FHIT: variants seen among roughly 807,000 people sequenced by gnomAD.
FHIT encodes bis(5'-adenosyl)-triphosphatase.
FHIT carries 19 observed loss-of-function variants against 17.9 expected under a neutral mutation model. The observed-to-expected ratio is 1.06, with a 90% confidence interval of 0.74 to 1.56. The LOEUF (loss-of-function observed/expected upper bound fraction) is 1.56. Ranked by LOEUF, FHIT falls within the 40% of genes most tolerant of loss-of-function variation. The pLI is 0.00. For missense variants in FHIT, 248 were observed against 189.2 expected (o/e 1.31, Z -1.82); for synonymous variants, 81 against 69.7 (o/e 1.16, Z -0.81).
chr3:59,917,908 A>G (rs1483621355), intron 8 of FHIT, among the ~76,000 whole-genome samples: 1 of 152,234 alleles, frequency 6.6e-6, no homozygotes, highest in Non-Finnish European at 1.5e-5. Flanking sequence ...GGAGGGGGCA[A>G]GTTAGTTATC....
intron 5 of FHIT, among the ~76,000 whole-genome samples, chr3:60,263,912 T>C (rs1210214066): frequency 6.6e-6 from 1 of 151,766 alleles, no homozygotes; most frequent in Non-Finnish European, 1.5e-5. Context: ...CTGGAGAAAG[T>C]GAGTGTTTTT....
chr3:60,569,756 T>TATATATACATATA (rs1491532042), intron 4 of FHIT, among the ~76,000 whole-genome samples: 2 of 28,674 alleles, frequency 7.0e-5, no homozygotes, highest in Admixed American at 4.2e-4. Context: ...TATATATATA[T>TATATATACATATA]TTTTTTTTTT....
chr3:60,911,114 G>A (rs1159499580), intron 3 of FHIT, among the ~76,000 whole-genome samples: 1 of 152,152 alleles, frequency 6.6e-6, no homozygotes, highest in African/African-American at 2.4e-5. Context: ...ATTTCAGTAT[G>A]TGGTTTAAAA....
intron 8 of FHIT, among the ~76,000 whole-genome samples, chr3:59,841,363 C>A (rs1218306979): frequency 2.6e-5 from 4 of 152,184 alleles, no homozygotes; most frequent in Non-Finnish European, 5.9e-5. Flanking sequence ...ACTGTTCAGC[C>A]ATTAGCTACT....
chr3:60,126,931 G>C (rs73097527), intron 5 of FHIT, among the ~76,000 whole-genome samples: 8 of 152,024 alleles, frequency 5.3e-5, no homozygotes, highest in Admixed American at 3.9e-4. Flanking sequence ...GCGCGCTTCC[G>C]TAACTAGTGG....
chr3:60,841,392 G>C lies in FHIT; in HGVS notation c.-110-19381C>G, dbSNP rs1003381677. Among the ~76,000 whole-genome samples, 4 of 152,046 alleles carry C rather than the reference G, an allele frequency of 2.6e-5. No homozygotes were observed. The East Asian group carries it at 7.7e-4, about 29-fold the overall frequency. ...TAGACAAGGGAGAATAATAGTCTTG[G>C]GATTCTAAAATCATCTGTAGACTAT... On this transcript the variant is annotated intron_variant, in intron 3 of 9. Coordinates refer to ENST00000492590, the MANE Select transcript of FHIT (RefSeq NM_002012.4).
intron 8 of FHIT, among the ~76,000 whole-genome samples, chr3:59,853,394 C>T (rs976470240): frequency 6.6e-6 from 1 of 152,182 alleles, no homozygotes; most frequent in Non-Finnish European, 1.5e-5. Flanking sequence ...ATTTCATAGC[C>T]TATACTTTCT....
chr3:60,186,566 C>A (rs186420575), intron 5 of FHIT, among the ~76,000 whole-genome samples: 1 of 152,216 alleles, frequency 6.6e-6, no homozygotes, highest in Admixed American at 6.5e-5. Flanking sequence ...GTAGGTCAAA[C>A]CAAGAATGTT....
At chr3:60,021,815 A>G (rs1324105711) in intron 5 of FHIT, among the ~76,000 whole-genome samples, 15 of 152,218 alleles carry the variant, frequency 9.9e-5, no homozygotes, top group Admixed American at 6.5e-4. Flanking sequence ...ACCTCCATGT[A>G]TAATACCTAC....
intron 5 of FHIT, among the ~76,000 whole-genome samples, chr3:60,283,489 C>T (rs1428541335): frequency 1.3e-5 from 2 of 151,978 alleles, no homozygotes; most frequent in Non-Finnish European, 2.9e-5. Flanking sequence ...AACATGTATC[C>T]ATCACCATTA....
At chr3:60,382,183 T>A (rs1194971663) in intron 5 of FHIT, among the ~76,000 whole-genome samples, 2 of 152,186 alleles carry the variant, frequency 1.3e-5, no homozygotes, top group East Asian at 1.9e-4. Context: ...TTAATTGGCA[T>A]CCTGGAGTAG....
chr3:60,602,120 C>G (rs112069338), intron 4 of FHIT, among the ~76,000 whole-genome samples: 1 of 152,268 alleles, frequency 6.6e-6, no homozygotes, highest in South Asian at 2.1e-4. Flanking sequence ...AAGAAAAATT[C>G]TCAGTTTTCA....
chr3:61,222,083 C>A (rs2039854558), intron 1 of FHIT, among the ~76,000 whole-genome samples: 1 of 152,220 alleles, frequency 6.6e-6, no homozygotes, highest in Non-Finnish European at 1.5e-5. Flanking sequence ...TCTGGTTGTG[C>A]CCTCCTCTGA....
chr3:59,936,049 A>T (rs956481168), intron 7 of FHIT, among the ~76,000 whole-genome samples: 3 of 152,142 alleles, frequency 2.0e-5, no homozygotes, highest in Admixed American at 2.0e-4. Flanking sequence ...AACTCCTCAG[A>T]TATGCTCAAG....
chr3:60,073,700 A>T (rs1440997679), intron 5 of FHIT, among the ~76,000 whole-genome samples: 1 of 152,032 alleles, frequency 6.6e-6, no homozygotes, highest in Non-Finnish European at 1.5e-5. Context: ...GTGTTTCTGG[A>T]AAGGTATTTT....
At chr3:61,211,426 C>G (rs1375222725) in intron 1 of FHIT, among the ~76,000 whole-genome samples, 1 of 152,230 alleles carries the variant, frequency 6.6e-6, no homozygotes, top group East Asian at 1.9e-4. Flanking sequence ...TGAGATCAAA[C>G]TGCAAGGCAG....
intron 5 of FHIT, among the ~76,000 whole-genome samples, chr3:60,264,099 G>C (rs1027951362): frequency 7.3e-5 from 11 of 151,262 alleles, no homozygotes; most frequent in African/African-American, 2.2e-4. Flanking sequence ...CCCCAAAGTG[G>C]GGGAGAAAAA....
At chr3:59,837,385 T>C (rs1441560371) in intron 8 of FHIT, among the ~76,000 whole-genome samples, 1 of 152,202 alleles carries the variant, frequency 6.6e-6, no homozygotes, top group African/African-American at 2.4e-5. Context: ...TAATACAATA[T>C]AAATGCTACG....
At chr3:60,550,264 T>C (rs755601923) in intron 4 of FHIT, among the ~76,000 whole-genome samples, 3 of 152,182 alleles carry the variant, frequency 2.0e-5, no homozygotes, top group African/African-American at 2.4e-5. Context: ...GTTTATATGA[T>C]TTGTAAAACA....
Sources: allele counts gnomAD v4.1 joint callset (sites outside exome capture counted in the v4.1 genomes callset), GRCh38; gene constraint gnomAD v4.1.1; transcripts MANE v1.5; gene names NCBI Gene and HGNC (gene_info 2026-07-23, HGNC 2026-07-21).